Variants in HS3ST4 observed in about 807,000 individuals in gnomAD.
The protein encoded by HS3ST4 is heparan sulfate glucosamine 3-O-sulfotransferase 4.
Under a neutral mutation model 29.2 loss-of-function variants are expected in HS3ST4, and 17 were observed. The observed-to-expected ratio is 0.58, with a 90% CI of 0.40 to 0.87. The LOEUF (loss-of-function observed/expected upper bound fraction) is 0.87, where lower values mean the gene tolerates loss of function less well. Among genes scored for constraint, HS3ST4 ranks in the 40% least tolerant of loss-of-function variants. HS3ST4 has a pLI of 0.00. For missense variants in HS3ST4, 627 were observed against 634.5 expected, an observed-to-expected ratio of 0.99 and a Z score of 0.13; for synonymous variants, 314 against 285.7, an observed-to-expected ratio of 1.10 and a Z score of -1.00.
intron 1 of HS3ST4, among the ~76,000 whole-genome samples, chr16:26,052,335 C>T (rs1898357668): frequency 6.6e-6 from 1 of 152,134 alleles, no homozygotes; most frequent in South Asian, 2.1e-4. Flanking sequence ...ATTCTGAATA[C>T]TCCAATGTAA....
chr16:25,964,292 G>C (rs1369057307), intron 1 of HS3ST4, among the ~76,000 whole-genome samples: 1 of 152,094 alleles, frequency 6.6e-6, no homozygotes, highest in African/African-American at 2.4e-5. Context: ...CTGACTGTCA[G>C]GGTGACGAGT....
intron 1 of HS3ST4, among the ~76,000 whole-genome samples, chr16:25,903,364 C>A (rs80050090): frequency 0.12 from 7,149 of 61,764 alleles, 290 homozygotes; most frequent in African/African-American, 0.22. Context: ...ATATGTATAT[C>A]TTATATATAT....
At chr16:25,729,189 A>T (rs934997163) in intron 1 of HS3ST4, among the ~76,000 whole-genome samples, 2 of 152,194 alleles carry the variant, frequency 1.3e-5, no homozygotes, top group Non-Finnish European at 2.9e-5. Context: ...AAGAGTGACA[A>T]ACCAAGAAAT....
At chr16:25,752,160 A>G (rs1468433575) in intron 1 of HS3ST4, among the ~76,000 whole-genome samples, 1 of 152,198 alleles carries the variant, frequency 6.6e-6, no homozygotes, top group Non-Finnish European at 1.5e-5. Flanking sequence ...GAGAAGTTTC[A>G]TGACAGACTC....
chr16:26,074,269 G>T (rs554402071), intron 1 of HS3ST4, among the ~76,000 whole-genome samples: 99 of 152,318 alleles, frequency 6.5e-4, no homozygotes, highest in African/African-American at 2.2e-3. Context: ...AGGTACAGTT[G>T]TCTGGCTAAA....
At chr16:25,777,672 G>T (rs925123691) in intron 1 of HS3ST4, among the ~76,000 whole-genome samples, 3 of 152,194 alleles carry the variant, frequency 2.0e-5, no homozygotes, top group African/African-American at 4.8e-5. Flanking sequence ...GGAGGCTGGG[G>T]CAGGAGAATC....
chr16:26,052,718 C>T (rs760816648), intron 1 of HS3ST4, among the ~76,000 whole-genome samples: 4 of 152,246 alleles, frequency 2.6e-5, no homozygotes, highest in Non-Finnish European at 2.9e-5. Context: ...TCCTAGGAAT[C>T]TGCCTCATAT....
chr16:25,970,113 C>T (rs983248312), intron 1 of HS3ST4, among the ~76,000 whole-genome samples: 4 of 152,216 alleles, frequency 2.6e-5, no homozygotes, highest in South Asian at 2.1e-4. Flanking sequence ...AGCACAACTC[C>T]CTTCTCCAAT....
intron 1 of HS3ST4, among the ~76,000 whole-genome samples, chr16:26,033,766 A>AACAGACTG (rs551535548): frequency 6.6e-6 from 1 of 152,060 alleles, no homozygotes; most frequent in Non-Finnish European, 1.5e-5. Context: ...GAAGGAAGCA[A>AACAGACTG]ACAGACTGTA....
intron 1 of HS3ST4, among the ~76,000 whole-genome samples, chr16:25,948,325 A>G (rs1434416007): frequency 3.3e-5 from 5 of 152,138 alleles, no homozygotes; most frequent in Non-Finnish European, 7.4e-5. Context: ...AGTTTGGGAC[A>G]AAAACTAGTT....
chr16:25,847,440 T>C (rs1374718252), intron 1 of HS3ST4, among the ~76,000 whole-genome samples: 1 of 152,228 alleles, frequency 6.6e-6, no homozygotes, highest in African/African-American at 2.4e-5. Context: ...ATGCAAATAG[T>C]GACAGTTTGT....
At chr16:25,913,043 T>C (rs1043968221) in intron 1 of HS3ST4, among the ~76,000 whole-genome samples, 2 of 152,198 alleles carry the variant, frequency 1.3e-5, no homozygotes, top group Non-Finnish European at 2.9e-5. Context: ...TCTGGGAGTG[T>C]AAAAGATGCG....
intron 1 of HS3ST4, among the ~76,000 whole-genome samples, chr16:26,019,947 T>G (rs1241737697): frequency 2.6e-5 from 4 of 152,140 alleles, no homozygotes; most frequent in African/African-American, 9.7e-5. Flanking sequence ...TGACACCCAC[T>G]TCACTTTCTC....
chr16:26,084,529 G>GC (rs1043086741), intron 1 of HS3ST4, among the ~76,000 whole-genome samples: 5 of 152,064 alleles, frequency 3.3e-5, no homozygotes, highest in African/African-American at 1.2e-4. Flanking sequence ...ATTAAATGTT[G>GC]CCTGATCTGA....
At chr16:25,777,784 G>A (rs188556640) in intron 1 of HS3ST4, among the ~76,000 whole-genome samples, 1 of 152,044 alleles carries the variant, frequency 6.6e-6, no homozygotes, top group East Asian at 1.9e-4. Context: ...AACAAACAAA[G>A]AAATCGAAAC....
chr16:26,117,875 C>G (rs1459727338), intron 1 of HS3ST4, among the ~76,000 whole-genome samples: 1 of 152,220 alleles, frequency 6.6e-6, no homozygotes, highest in African/African-American at 2.4e-5. Flanking sequence ...GTGAACAAGG[C>G]AACATCTGCC....
intron 1 of HS3ST4, among the ~76,000 whole-genome samples, chr16:25,991,670 C>A (rs1337478230): frequency 6.6e-6 from 1 of 152,188 alleles, no homozygotes. Context: ...AGAATTAAAT[C>A]TCCAGGCAAT....
At chr16:25,862,649 C>T (rs6497895) in intron 1 of HS3ST4, among the ~76,000 whole-genome samples, 71,180 of 152,104 alleles carry the variant, frequency 0.47, 16,891 homozygotes, top group East Asian at 0.7. Flanking sequence ...CCCTGTCGTA[C>T]AGTAAGTATT....
intron 1 of HS3ST4, among the ~76,000 whole-genome samples, chr16:26,040,246 C>T (rs982685245): frequency 6.6e-6 from 1 of 150,646 alleles, no homozygotes; most frequent in Non-Finnish European, 1.5e-5. Flanking sequence ...CTTGTCTGTC[C>T]ATATTTGGAG....
Sources: gnomAD v4.1 joint callset for allele counts (sites outside exome capture counted in the v4.1 genomes callset) on GRCh38, gnomAD v4.1.1 for gene constraint, MANE v1.5 for transcripts, NCBI Gene and HGNC (gene_info 2026-07-23, HGNC 2026-07-21) for gene names.